CDH13: variants seen among roughly 807,000 people sequenced by gnomAD.
CDH13 encodes the protein cadherin-13.
Under a neutral mutation model 63.8 loss-of-function variants are expected in CDH13, and 24 were observed. That is an observed-to-expected ratio of 0.38 (90% CI 0.27 to 0.53). CDH13 has a LOEUF of 0.53. Among genes scored for constraint, CDH13 ranks in the 20% least tolerant of loss-of-function variants. CDH13 has a pLI of 0.85. For missense variants in CDH13, 1,049 were observed against 903.1 expected (o/e 1.16, Z -2.07); for synonymous variants, 503 against 355.3 (o/e 1.42, Z -4.67).
At chr16:83,653,513 C>G (rs1056951876) in intron 8 of CDH13, among the ~76,000 whole-genome samples, 6 of 151,358 alleles carry the variant, frequency 4.0e-5, no homozygotes, top group Admixed American at 2.0e-4. Context: ...GGAAAAAAAA[C>G]TCACAAAAGC....
chr16:83,071,152 G>T (rs2032408398), intron 3 of CDH13, among the ~76,000 whole-genome samples: 1 of 152,116 alleles, frequency 6.6e-6, no homozygotes, highest in South Asian at 2.1e-4. Context: ...TCAGGAAAGT[G>T]TCATTCTGAA....
intron 2 of CDH13, among the ~76,000 whole-genome samples, chr16:82,989,215 C>T (rs72792129): frequency 0.13 from 19,338 of 152,146 alleles, 1,439 homozygotes; most frequent in Middle Eastern, 0.19. Context: ...AAGGAAAAGA[C>T]CTCAAGGAAT....
At chr16:83,299,826 T>C (rs2151874493) in intron 5 of CDH13, among the ~76,000 whole-genome samples, 1 of 152,334 alleles carries the variant, frequency 6.6e-6, no homozygotes, top group Admixed American at 6.5e-5. Flanking sequence ...CAGTACATAA[T>C]GATGAGCTCA....
intron 8 of CDH13, among the ~76,000 whole-genome samples, chr16:83,637,173 C>G (rs1911337845): frequency 6.6e-6 from 1 of 152,024 alleles, no homozygotes; most frequent in Non-Finnish European, 1.5e-5. Context: ...AATTATTTTT[C>G]TGATTAAAAC....
At chr16:83,046,845 G>A (rs1917832857) in intron 3 of CDH13, among the ~76,000 whole-genome samples, 1 of 152,148 alleles carries the variant, frequency 6.6e-6, no homozygotes, top group Non-Finnish European at 1.5e-5. Flanking sequence ...CAGAAGGGAG[G>A]ATTGTGAAAT....
At position 82,644,225 on chromosome 16, in the gene CDH13, A is replaced by G. The variant is rs1444918961; in HGVS notation, c.45+17088A>G. On this transcript the variant is annotated intron_variant, in intron 1 of 13. Transcript: ENST00000567109. The surrounding 1 kb of genome is among the most constrained non-coding windows in gnomAD (Gnocchi z 5.7). The stretch of plus-strand genomic sequence containing the variant: ...GTGCGGCTGAAGAATTCAATAGCCT[A>G]GTAATGAGAAGTCAATCTAAGGTCT... Among the ~76,000 whole-genome samples the G allele has an allele frequency of 6.6e-6, 1 of 152,182 alleles. No homozygotes were observed.
At position 82,726,162 on chromosome 16, in the gene CDH13, G is replaced by A. The variant is rs574151401; in HGVS notation, c.45+99025G>A. Among the ~76,000 whole-genome samples, 206 of 152,266 alleles carry A rather than the reference G, an allele frequency of 1.4e-3. 2 individuals are homozygous for A. The highest frequency in any genetic ancestry group is 0.01 in the Middle Eastern group (3 of 294). ...ATGTGTGTGTGCTGTGTGCATGTGC[G>A]CACGGTAGGTTATACAGCACCAAGG... On this transcript the variant is annotated intron_variant, in intron 1 of 13. Coordinates refer to ENST00000567109, the MANE Select transcript of CDH13 (RefSeq NM_001257.5).
intron 4 of CDH13, chr16:83,180,826 T>G (rs1391297934): frequency 1.5e-6 from 2 of 1,368,404 alleles, no homozygotes; most frequent in Admixed American, 4.0e-5. Context: ...CTTGTTTATT[T>G]TAATCCCCAA....
At chr16:82,778,156 A>T (rs1372330525) in intron 1 of CDH13, among the ~76,000 whole-genome samples, 1 of 152,188 alleles carries the variant, frequency 6.6e-6, no homozygotes, top group Non-Finnish European at 1.5e-5. Context: ...GATTATTTTA[A>T]CGCAAAATGA....
chr16:83,442,410 C>T (rs1024587570), intron 6 of CDH13, among the ~76,000 whole-genome samples: 2 of 152,102 alleles, frequency 1.3e-5, no homozygotes, highest in Non-Finnish European at 2.9e-5. Flanking sequence ...AGCCAAAGAC[C>T]CATCATTAAA....
At chr16:82,994,447 G>T (rs1308682992) in intron 2 of CDH13, among the ~76,000 whole-genome samples, 1 of 152,158 alleles carries the variant, frequency 6.6e-6, no homozygotes, top group Non-Finnish European at 1.5e-5. Context: ...TCTTGGCCTA[G>T]GGCTTCTATC....
At chr16:83,308,640 A>T (rs1378403374) in intron 5 of CDH13, among the ~76,000 whole-genome samples, 3 of 152,230 alleles carry the variant, frequency 2.0e-5, no homozygotes, top group Non-Finnish European at 4.4e-5. Flanking sequence ...ATCCATGGAA[A>T]GAACCTTTCC....
intron 7 of CDH13, among the ~76,000 whole-genome samples, chr16:83,538,610 T>C (rs912591193): frequency 3.3e-5 from 5 of 152,168 alleles, no homozygotes; most frequent in African/African-American, 1.2e-4. Context: ...GATAGAGCCA[T>C]AGAGGAAAAG....
At chr16:83,382,354 T>C (rs1157206014) in intron 6 of CDH13, among the ~76,000 whole-genome samples, 1 of 152,186 alleles carries the variant, frequency 6.6e-6, no homozygotes, top group Non-Finnish European at 1.5e-5. Context: ...ATCAGGTAAA[T>C]TAATGGAAAT....
intron 3 of CDH13, among the ~76,000 whole-genome samples, chr16:83,059,932 TACAGGTGCCCGCCAGCACACCC>T: frequency 6.6e-6 from 1 of 151,812 alleles, no homozygotes; most frequent in Admixed American, 6.6e-5. Flanking sequence ...TAGCTGGGAC[TACAGGTGCCCGCCAGCACACCC>T]AGCTAATATT....
chr16:82,632,253 C>G (rs575147055), intron 1 of CDH13, among the ~76,000 whole-genome samples: 10 of 152,290 alleles, frequency 6.6e-5, no homozygotes, highest in Admixed American at 3.3e-4. Flanking sequence ...AGTTTGGGAC[C>G]TCTGCTTTCA....
chr16:82,717,996 G>T (rs1361523208), intron 1 of CDH13, among the ~76,000 whole-genome samples: 2 of 152,210 alleles, frequency 1.3e-5, no homozygotes, highest in Non-Finnish European at 2.9e-5. Flanking sequence ...TGTGTGCAGG[G>T]ATGCTGTTTT....
At chr16:83,688,949 T>C (rs1221963431) in intron 10 of CDH13, among the ~76,000 whole-genome samples, 1 of 152,212 alleles carries the variant, frequency 6.6e-6, no homozygotes, top group Admixed American at 6.5e-5. Context: ...CTGGCTTTTA[T>C]AATGATCCAG....
intron 2 of CDH13, among the ~76,000 whole-genome samples, chr16:82,977,206 C>G (rs2151379865): frequency 6.6e-6 from 1 of 152,274 alleles, no homozygotes; most frequent in East Asian, 1.9e-4. Context: ...CTAGAGAGTT[C>G]CAGCATGGAC....
Sources: allele counts gnomAD v4.1 joint callset (sites outside exome capture counted in the v4.1 genomes callset), GRCh38; gene constraint gnomAD v4.1.1; non-coding constraint Gnocchi (gnomAD v3.1); transcripts MANE v1.5; gene names NCBI Gene and HGNC (gene_info 2026-07-23, HGNC 2026-07-21).